The following RAB39A variants were observed in gnomAD, a reference collection of about 807,000 sequenced individuals.
The protein encoded by RAB39A is RAB39A, member RAS oncogene family, also known as ras-related protein Rab-39A.
Under a neutral mutation model 20.9 loss-of-function variants are expected in RAB39A, and 17 were observed. The ratio of observed to expected loss-of-function variants is 0.81; its 90% CI spans 0.56 to 1.22. RAB39A has a LOEUF of 1.22. Among genes scored for constraint, RAB39A ranks in the 50% most tolerant of loss-of-function variants. The pLI is 0.00. For missense variants in RAB39A, 234 were observed against 270.5 expected, an observed-to-expected ratio of 0.87 and a Z score of 0.95; for synonymous variants, 99 against 103.4, an observed-to-expected ratio of 0.96 and a Z score of 0.26.
At chr11:107,929,096 G>A (rs998458151) in intron 1 of RAB39A, among the ~76,000 whole-genome samples, 1 of 152,124 alleles carries the variant, frequency 6.6e-6, no homozygotes, top group Non-Finnish European at 1.5e-5. Context: ...TTCAGCCCCT[G>A]TGGGTATTTT....
At chr11:107,957,806 C>G (rs1399966667) in intron 1 of RAB39A, among the ~76,000 whole-genome samples, 1 of 152,142 alleles carries the variant, frequency 6.6e-6, no homozygotes, top group African/African-American at 2.4e-5. Flanking sequence ...TCTCTTCCTT[C>G]CTTGCTTCTG....
Position 107,963,201 on chromosome 11 carries a change from G to A in RAB39A, c.*829G>A, listed in dbSNP as rs1861518117. ...GTACCTTACCTCAGCCTCCTGAGTA[G>A]CTGGAACTGCAGATGTGCGCCACCA... is the stretch of plus-strand genomic sequence containing the variant. On this transcript the variant is annotated 3_prime_UTR_variant, in exon 2 of 2. Transcript: ENST00000320578. 1 of 152,028 alleles carries A rather than the reference G, an allele frequency of 6.6e-6. No individual in the cohort carries two copies. Among genetic ancestry groups the A allele is most frequent in the Non-Finnish European group, 1.5e-5 (1 of 68,032 alleles). 9.4% of individuals were successfully genotyped at this position (152,028 alleles called of 1,614,324 possible). A position where few individuals can be genotyped will look rare whatever the true frequency, so the allele number is the denominator to read the frequency against.
At chr11:107,935,557 G>A (rs1350959093) in intron 1 of RAB39A, among the ~76,000 whole-genome samples, 1 of 151,952 alleles carries the variant, frequency 6.6e-6, no homozygotes, top group African/African-American at 2.4e-5. Flanking sequence ...TGTATTTTCA[G>A]TAGGGACAAG....
At chr11:107,932,969 C>CT in intron 1 of RAB39A, among the ~76,000 whole-genome samples, 1 of 152,090 alleles carries the variant, frequency 6.6e-6, no homozygotes, top group Non-Finnish European at 1.5e-5. Flanking sequence ...CCTCAGCCTC[C>CT]TAAAGTGCTG....
intron 1 of RAB39A, among the ~76,000 whole-genome samples, chr11:107,945,855 G>T (rs1009121771): frequency 6.6e-6 from 1 of 152,138 alleles, no homozygotes; most frequent in African/African-American, 2.4e-5. Flanking sequence ...TGAGGTTGGG[G>T]TTCCTTATTG....
chr11:107,960,641 G>A (rs1378955298), intron 1 of RAB39A, among the ~76,000 whole-genome samples: 1 of 152,154 alleles, frequency 6.6e-6, no homozygotes, highest in Non-Finnish European at 1.5e-5. Flanking sequence ...CAGCATCAAG[G>A]ATACTAATAA....
intron 1 of RAB39A, among the ~76,000 whole-genome samples, chr11:107,954,425 C>T (rs1223975267): frequency 6.6e-6 from 1 of 152,160 alleles, no homozygotes; most frequent in East Asian, 1.9e-4. Context: ...TTCCTCAGAC[C>T]TCCTAATTAC....
At chr11:107,946,418 GTGTGTGTGTGTGTGTGTGTATATATA>G (rs1565464201) in intron 1 of RAB39A, among the ~76,000 whole-genome samples, 4 of 14,310 alleles carry the variant, frequency 2.8e-4, no homozygotes, top group South Asian at 5.0e-3. Flanking sequence ...GTGTGTGTGT[GTGTGTGTGTGTGTGTGTGTATATATA>G]TATATATATA....
intron 1 of RAB39A, among the ~76,000 whole-genome samples, chr11:107,933,377 CTTTTTTTTTTTT>C (rs71047649): frequency 4.1e-5 from 3 of 73,062 alleles, no homozygotes; most frequent in Admixed American, 2.3e-4. Flanking sequence ...TTTATTCTTT[CTTTTTTTTTTTT>C]TTTTTTTTTG....
At chr11:107,956,007 C>T (rs917385590) in intron 1 of RAB39A, among the ~76,000 whole-genome samples, 6 of 151,994 alleles carry the variant, frequency 3.9e-5, no homozygotes, top group African/African-American at 1.5e-4. Flanking sequence ...ACAGAGATTG[C>T]TGGCTACTGT....
In RAB39A at chr11:107,940,357, C is replaced by T. The variant is rs189645575; in HGVS notation, c.227+11562C>T. Among the ~76,000 whole-genome samples, 74 of 151,932 alleles carry T rather than the reference C, an allele frequency of 4.9e-4. No homozygotes were observed. In the East Asian group the frequency reaches 0.013, roughly 26 times the overall value. On this transcript the variant is annotated intron_variant, in intron 1 of 1. Transcript: ENST00000320578. The stretch of plus-strand genomic sequence containing the variant: ...TCGGCTTTCTGCAACCTCTGTCTCC[C>T]GGTTCAAGCAATCCTACCACCTCAG...
intron 1 of RAB39A, among the ~76,000 whole-genome samples, chr11:107,932,099 G>A (rs1479506775): frequency 6.6e-6 from 1 of 152,012 alleles, no homozygotes; most frequent in East Asian, 1.9e-4. Flanking sequence ...CTGGGCTGAA[G>A]CAGTCCACCC....
intron 1 of RAB39A, among the ~76,000 whole-genome samples, chr11:107,957,127 A>G (rs1187500818): frequency 2.0e-5 from 3 of 152,234 alleles, no homozygotes; most frequent in East Asian, 3.8e-4. Flanking sequence ...AGAAAGGTTT[A>G]TTAGAGATGA....
At chr11:107,948,683 G>A (rs900343285) in intron 1 of RAB39A, among the ~76,000 whole-genome samples, 2 of 152,010 alleles carry the variant, frequency 1.3e-5, no homozygotes, top group South Asian at 4.1e-4. Context: ...CTCGTGATCC[G>A]CCTTCCTCAG....
rs1374714758 is a variant in RAB39A at position 107,943,558 on chromosome 11, G to A, written c.227+14763G>A. Among the ~76,000 whole-genome samples, 4 of 145,874 alleles carry A rather than the reference G, an allele frequency of 2.7e-5. No homozygotes were observed. The East Asian group carries it at 6.0e-4, about 22-fold the overall frequency. On this transcript the variant is annotated intron_variant, in intron 1 of 1. Coordinates refer to ENST00000320578, the MANE Select transcript of RAB39A (RefSeq NM_017516.3). ...TGCACTCCAGCCTGGGTGACAGAGT[G>A]AGACTCCGTCTCAAAAAAAAAAAAA...
chr11:107,940,925 A>G (rs1396275201), intron 1 of RAB39A, among the ~76,000 whole-genome samples: 2 of 152,066 alleles, frequency 1.3e-5, no homozygotes, highest in African/African-American at 4.8e-5. Context: ...GAGAGCCGAG[A>G]TCACGCCACT....
chr11:107,928,490 A>G lies in RAB39A; in HGVS notation c.-79A>G. 1 of 1,096,908 alleles carries G rather than the reference A, an allele frequency of 9.1e-7. No individual in the cohort carries two copies. Among genetic ancestry groups the G allele is most frequent in the Non-Finnish European group, 1.2e-6 (1 of 832,894 alleles). The allele number at this position is 1,096,908 out of a possible 1,614,324, so 67.9% of individuals were successfully genotyped here. A position where few individuals can be genotyped will look rare whatever the true frequency, so the allele number is the denominator to read the frequency against. ...GGAAGGCGGCGGGCGGGCGCCCGCG[A>G]GGTGCTGAAAGGACAGTTCCCGCCG... On this transcript the variant is annotated 5_prime_UTR_variant, in exon 1 of 2. Coordinates refer to ENST00000320578, the MANE Select transcript of RAB39A (RefSeq NM_017516.3). This position sits in a 1 kb window ranked among gnomAD's most constrained non-coding sequence, Gnocchi z 4.9.
chr11:107,957,044 G>A (rs189918245), intron 1 of RAB39A, among the ~76,000 whole-genome samples: 10 of 152,288 alleles, frequency 6.6e-5, no homozygotes, highest in East Asian at 3.9e-4. Flanking sequence ...TTAGTGGACT[G>A]TGTAAATTTC....
In RAB39A at chr11:107,962,525, T is replaced by C; in HGVS notation, c.*153T>C. The C allele has an allele frequency of 4.2e-6, 3 of 712,376 alleles. No individual in the cohort carries two copies. The highest frequency in any genetic ancestry group is 6.5e-6 in the Non-Finnish European group (3 of 459,274). 44.1% of individuals were successfully genotyped at this position (712,376 alleles called of 1,614,324 possible). The stretch of plus-strand genomic sequence containing the variant: ...ATAAGGTATTTGATTCAGAGCATGA[T>C]GCTTACTTGTTACACTACTAGATTG... On this transcript the variant is annotated 3_prime_UTR_variant, in exon 2 of 2. Coordinates refer to ENST00000320578, the MANE Select transcript of RAB39A (RefSeq NM_017516.3).
Sources: gnomAD v4.1 joint callset for allele counts (sites outside exome capture counted in the v4.1 genomes callset) on GRCh38, gnomAD v4.1.1 for gene constraint, Gnocchi (gnomAD v3.1) non-coding constraint, MANE v1.5 for transcripts, NCBI Gene and HGNC (gene_info 2026-07-23, HGNC 2026-07-21) for gene names.